Variants in ATP2B4 observed in about 807,000 individuals in gnomAD.
ATP2B4 encodes plasma membrane calcium-transporting ATPase 4.
In ATP2B4, 39 loss-of-function variants were observed where a neutral mutation model predicts 110.3. The observed-to-expected ratio is 0.35, with a 90% CI of 0.27 to 0.46. The LOEUF (loss-of-function observed/expected upper bound fraction) is 0.46, where lower values mean the gene tolerates loss of function less well. Ranked by LOEUF, ATP2B4 falls within the 20% of genes least tolerant of loss-of-function variation. ATP2B4 has a pLI of 1.00. For missense variants in ATP2B4, 1,135 were observed against 1,530.9 expected, an observed-to-expected ratio of 0.74 and a Z score of 4.32; for synonymous variants, 538 against 571.7, an observed-to-expected ratio of 0.94 and a Z score of 0.84.
At chr1:203,693,988 G>T (rs1225789051) in intron 2 of ATP2B4, among the ~76,000 whole-genome samples, 1 of 152,048 alleles carries the variant, frequency 6.6e-6, no homozygotes, top group African/African-American at 2.4e-5. Flanking sequence ...CCCTCTGTGG[G>T]GTGGCATAGA....
At chr1:203,635,677 G>C (rs898941692) in intron 1 of ATP2B4, among the ~76,000 whole-genome samples, 3 of 152,082 alleles carry the variant, frequency 2.0e-5, no homozygotes, top group Admixed American at 2.0e-4. Context: ...ACTAAGTAAA[G>C]GGTCTGCAGT....
At chr1:203,717,586 CCAAGGA>C (rs1666194351) in intron 15 of ATP2B4, among the ~76,000 whole-genome samples, 4 of 151,678 alleles carry the variant, frequency 2.6e-5, no homozygotes, top group Non-Finnish European at 5.9e-5. Context: ...GTCCATTTCT[CCAAGGA>C]TTCCTGCTTC....
intron 1 of ATP2B4, among the ~76,000 whole-genome samples, chr1:203,678,613 A>T (rs1664901620): frequency 6.6e-6 from 1 of 152,110 alleles, no homozygotes; most frequent in Non-Finnish European, 1.5e-5. Context: ...CGTGTTACCT[A>T]GGCTGGTATC....
chr1:203,644,683 C>T (rs1338114326), intron 1 of ATP2B4, among the ~76,000 whole-genome samples: 4 of 152,194 alleles, frequency 2.6e-5, no homozygotes, highest in Non-Finnish European at 5.9e-5. Context: ...TAAGATCTCA[C>T]TGCTGTCTTG....
chr1:203,679,054 A>G (rs1664917578), intron 1 of ATP2B4, among the ~76,000 whole-genome samples: 2 of 152,086 alleles, frequency 1.3e-5, no homozygotes, highest in South Asian at 2.1e-4. Context: ...TAGCTCTTCT[A>G]TCCTATCATC....
chr1:203,717,574 T>G (rs2102208392), intron 15 of ATP2B4, among the ~76,000 whole-genome samples: 1 of 152,108 alleles, frequency 6.6e-6, no homozygotes, highest in African/African-American at 2.4e-5. Flanking sequence ...GGATAGGAGA[T>G]AGTCCATTTC....
rs771924477 is a variant in ATP2B4 at position 203,710,911 on chromosome 1, G to A, written c.1834G>A (p.Val612Met). ...NRILDRKGEA[V>M]PFKNKDRDDM... is the part of the protein sequence containing the mutation. The stretch of plus-strand genomic sequence containing the variant: ...AATCCTGGACCGGAAAGGGGAAGCA[G>A]TGCCATTCAAGAATAAAGACAGAGA... The change falls in exon 12 of 21, where the codon GTG becomes ATG. Residue 612 changes from valine (V) to methionine (M), a missense_variant. Transcript: ENST00000357681. 1.4e-5 allele frequency: 22 copies of A among 1,614,082 alleles called. No homozygotes were observed. The highest frequency in any genetic ancestry group is 1.9e-5 in the Non-Finnish European group (22 of 1,179,980).
At position 203,740,347 on chromosome 1, in the gene ATP2B4, A is replaced by G. The variant is rs1314986427; in HGVS notation, c.*493A>G. The G allele has an allele frequency of 1.9e-5, 3 of 157,478 alleles. No homozygotes were observed. The highest frequency in any genetic ancestry group is 1.2e-4 in the Admixed American group (2 of 16,778). The allele number at this position is 157,478 out of a possible 1,614,324, so 9.8% of individuals were successfully genotyped here. ...GTTTTTCAATTTTTCCCACTTTGAA[A>G]ACTTACACCTAAAGGCCTGTAGGCC... On this transcript the variant is annotated 3_prime_UTR_variant, in exon 21 of 21. Transcript: ENST00000357681.
At chr1:203,642,023 T>G (rs772396251) in intron 1 of ATP2B4, among the ~76,000 whole-genome samples, 1 of 152,136 alleles carries the variant, frequency 6.6e-6, no homozygotes, top group African/African-American at 2.4e-5. Flanking sequence ...AACAGTGGGG[T>G]AACCCTCTGG....
chr1:203,665,660 C>G (rs1327809627), intron 1 of ATP2B4, among the ~76,000 whole-genome samples: 2 of 152,040 alleles, frequency 1.3e-5, no homozygotes, highest in African/African-American at 4.8e-5. Flanking sequence ...ATTAGCCAGG[C>G]ACAGTGGTGC....
In ATP2B4 at chr1:203,666,539, G is replaced by A. The variant is rs1343418843; in HGVS notation, c.-464-16203G>A. On this transcript the variant is annotated intron_variant, in intron 1 of 20. Transcript: ENST00000357681. ...AGCTTAATTTTGGCCCCCGTTCTTC[G>A]TGCCTCCTAGGTTTTGTTGGGTGGA... 3.9e-5 allele frequency among the ~76,000 whole-genome samples: 6 copies of A among 152,164 alleles called. No homozygotes were observed. The East Asian group carries it at 5.8e-4, about 15-fold the overall frequency.
chr1:203,632,520 T>C (rs1365296328), intron 1 of ATP2B4, among the ~76,000 whole-genome samples: 3 of 151,416 alleles, frequency 2.0e-5, no homozygotes, highest in African/African-American at 7.3e-5. Flanking sequence ...ATTTTTTGTA[T>C]TTTTAGTAGA....
chr1:203,633,832 C>T (rs771899209), intron 1 of ATP2B4, among the ~76,000 whole-genome samples: 65 of 152,038 alleles, frequency 4.3e-4, no homozygotes, highest in Non-Finnish European at 8.7e-4. Context: ...GGGTAGATCA[C>T]CTGAGGTCGG....
chr1:203,739,317 C>T (rs16852252), intron 20 of ATP2B4, among the ~76,000 whole-genome samples: 1,622 of 152,106 alleles, frequency 0.011, 32 homozygotes, highest in African/African-American at 0.029. Context: ...GCTTTCAAAA[C>T]GTCCTAGTTG....
intron 12 of ATP2B4, among the ~76,000 whole-genome samples, 161 bp from the exon 13 acceptor site, chr1:203,711,799 G>A (rs777643193): frequency 1.3e-5 from 2 of 152,156 alleles, no homozygotes; most frequent in Non-Finnish European, 2.9e-5. Context: ...GAAGTGAGGT[G>A]GCACCCAACA....
At chr1:203,723,676 G>A (rs1666416505) in intron 18 of ATP2B4, among the ~76,000 whole-genome samples, 1 of 152,002 alleles carries the variant, frequency 6.6e-6, no homozygotes, top group Non-Finnish European at 1.5e-5. Flanking sequence ...AACTATGTCT[G>A]TCTCCCCATC....
intron 12 of ATP2B4, among the ~76,000 whole-genome samples, chr1:203,711,475 G>T (rs767710909): frequency 6.6e-6 from 1 of 152,130 alleles, no homozygotes; most frequent in African/African-American, 2.4e-5. Flanking sequence ...GGATTGAAAA[G>T]TCTCTGCTTC....
chr1:203,680,621 A>AAAGTAG (rs10672485), intron 1 of ATP2B4, among the ~76,000 whole-genome samples: 3 of 145,158 alleles, frequency 2.1e-5, no homozygotes, highest in Non-Finnish European at 4.5e-5. Context: ...AAAAAAAAGA[A>AAAGTAG]AAAAAAGATC....
rs771516985 is a variant in ATP2B4 at position 203,713,146 on chromosome 1, T to C, written c.2212-19T>C. 1 of 1,614,022 alleles carries C rather than the reference T, an allele frequency of 6.2e-7. No homozygotes were observed. On this transcript the variant is annotated intron_variant, in intron 13 of 20. Transcript: ENST00000357681. ...CTTTTCTGCATTTGACTGATCCAGG[T>C]GTGGTCTGGTGTTGGCAGGTAGAGC...
Sources: allele counts gnomAD v4.1 joint callset (sites outside exome capture counted in the v4.1 genomes callset), GRCh38; gene constraint gnomAD v4.1.1; transcripts MANE v1.5; gene names NCBI Gene and HGNC (gene_info 2026-07-23, HGNC 2026-07-21).